The following ALCAM variants were observed in gnomAD, a reference collection of about 807,000 sequenced individuals.
ALCAM encodes the protein CD166 antigen.
ALCAM carries 30 observed loss-of-function variants against 70.9 expected under a neutral mutation model. That is an observed-to-expected ratio of 0.42 (90% confidence interval 0.32 to 0.57). ALCAM has a LOEUF of 0.57. Among genes scored for constraint, ALCAM ranks in the 20% least tolerant of loss-of-function variants. ALCAM has a pLI of 0.11. For synonymous variants in ALCAM, 249 were observed against 242.5 expected, an observed-to-expected ratio of 1.03 and a Z score of -0.25; for missense variants, 591 against 695.1, an observed-to-expected ratio of 0.85 and a Z score of 1.68.
At chr3:105,492,144 A>G (rs1259581668) in intron 1 of ALCAM, among the ~76,000 whole-genome samples, 1 of 152,166 alleles carries the variant, frequency 6.6e-6, no homozygotes, top group Non-Finnish European at 1.5e-5. Context: ...CAGCGAGAAG[A>G]ATAAGAGCTG....
chr3:105,435,970 T>C (rs562903991), intron 1 of ALCAM, among the ~76,000 whole-genome samples: 16 of 152,224 alleles, frequency 1.1e-4, no homozygotes, highest in African/African-American at 3.6e-4. Flanking sequence ...AGTCTCACAA[T>C]CATGGTGGAA....
At chr3:105,422,894 G>A (rs183476467) in intron 1 of ALCAM, among the ~76,000 whole-genome samples, 5 of 151,456 alleles carry the variant, frequency 3.3e-5, no homozygotes, top group Admixed American at 6.6e-5. Context: ...ATGCTTTTCA[G>A]AAATGATTAC....
chr3:105,530,945 A>G (rs967457458), intron 3 of ALCAM, among the ~76,000 whole-genome samples: 6 of 152,084 alleles, frequency 3.9e-5, no homozygotes, highest in Non-Finnish European at 7.4e-5. Context: ...TAATTATACA[A>G]AAGCCAATTT....
At position 105,525,133 on chromosome 3, in the gene ALCAM, T is replaced by C. The variant is rs1040460946; in HGVS notation, c.394+625T>C. On this transcript the variant is annotated intron_variant, in intron 3 of 15. Transcript: ENST00000306107. ...GATTTAGATTTCAAAAAGTATTCAC[T>C]TGCTTTAGAAAATTGTCCTAAAATT... 7 of 982,524 alleles carry C rather than the reference T, an allele frequency of 7.1e-6. No homozygotes were observed. In the African/African-American group the frequency reaches 1.2e-4, roughly 17 times the overall value. The allele number at this position is 982,524 out of a possible 1,614,324, so 60.9% of individuals were successfully genotyped here. A position where few individuals can be genotyped will look rare whatever the true frequency, so the allele number is the denominator to read the frequency against.
intron 1 of ALCAM, among the ~76,000 whole-genome samples, chr3:105,492,717 G>A (rs983912099): frequency 2.0e-5 from 3 of 152,034 alleles, no homozygotes; most frequent in African/African-American, 7.2e-5. Flanking sequence ...TCATAAATTA[G>A]AAATGAAAAA....
chr3:105,405,171 G>T (rs1187329922), intron 1 of ALCAM, among the ~76,000 whole-genome samples: 2 of 149,948 alleles, frequency 1.3e-5, no homozygotes, highest in Non-Finnish European at 3.0e-5. Flanking sequence ...CAGCTACTTG[G>T]CAGGCTAAGG....
At chr3:105,533,233 C>T (rs370395005) in intron 4 of ALCAM, among the ~76,000 whole-genome samples, 3 of 151,970 alleles carry the variant, frequency 2.0e-5, no homozygotes, top group South Asian at 4.1e-4. Context: ...ATTATTCTTC[C>T]GTATGAAGAT....
At chr3:105,384,907 G>A (rs1935611836) in intron 1 of ALCAM, among the ~76,000 whole-genome samples, 1 of 151,436 alleles carries the variant, frequency 6.6e-6, no homozygotes, top group African/African-American at 2.4e-5. Context: ...ATAAAGCCAA[G>A]TAAACAAGAC....
At chr3:105,443,705 C>T (rs978768287) in intron 1 of ALCAM, among the ~76,000 whole-genome samples, 5 of 152,148 alleles carry the variant, frequency 3.3e-5, no homozygotes, top group African/African-American at 4.8e-5. Flanking sequence ...TAAAAAGGCA[C>T]AGGCAGGTTT....
At chr3:105,403,879 G>A (rs1271925765) in intron 1 of ALCAM, among the ~76,000 whole-genome samples, 2 of 151,218 alleles carry the variant, frequency 1.3e-5, no homozygotes, top group Non-Finnish European at 2.9e-5. Context: ...GAAATAGATA[G>A]CATAAATAAA....
chr3:105,381,034 G>A (rs986276412), intron 1 of ALCAM, among the ~76,000 whole-genome samples: 2 of 152,034 alleles, frequency 1.3e-5, no homozygotes, highest in Admixed American at 1.3e-4. Flanking sequence ...CAGTTTCCCA[G>A]TTGGGTGGCA....
chr3:105,387,033 C>A (rs1935676847), intron 1 of ALCAM, among the ~76,000 whole-genome samples: 1 of 151,406 alleles, frequency 6.6e-6, no homozygotes, highest in Admixed American at 6.6e-5. Context: ...TTTCAGTTTG[C>A]CTCTTCTTTT....
At chr3:105,420,630 G>T (rs769659789) in intron 1 of ALCAM, among the ~76,000 whole-genome samples, 14 of 151,578 alleles carry the variant, frequency 9.2e-5, no homozygotes, top group Admixed American at 2.6e-4. Flanking sequence ...GCCACTCCTG[G>T]TCCAGTCAGT....
intron 1 of ALCAM, 142 bp downstream of exon 1, chr3:105,367,623 G>A: frequency 1.1e-6 from 1 of 947,558 alleles, no homozygotes; most frequent in Non-Finnish European, 1.6e-6. Context: ...GCACAGAGCT[G>A]TCCCCGGGCT....
At chr3:105,494,398 T>G (rs1938678752) in intron 1 of ALCAM, among the ~76,000 whole-genome samples, 2 of 152,148 alleles carry the variant, frequency 1.3e-5, no homozygotes, top group Admixed American at 1.3e-4. Context: ...ATGAATCTTT[T>G]GTTTTATAAA....
intron 6 of ALCAM, among the ~76,000 whole-genome samples, chr3:105,536,093 CTT>C (rs71299365): frequency 9.2e-5 from 13 of 141,790 alleles, no homozygotes; most frequent in Non-Finnish European, 9.3e-5. Context: ...TTCTTTCTTT[CTT>C]TTTTTTTTTT....
At chr3:105,514,717 T>C (rs1939333101) in intron 1 of ALCAM, among the ~76,000 whole-genome samples, 1 of 151,940 alleles carries the variant, frequency 6.6e-6, no homozygotes, top group Non-Finnish European at 1.5e-5. Flanking sequence ...CTCTGAAGAT[T>C]ATTCCACAGT....
At chr3:105,430,967 T>C (rs1325824727) in intron 1 of ALCAM, among the ~76,000 whole-genome samples, 2 of 152,148 alleles carry the variant, frequency 1.3e-5, no homozygotes, top group African/African-American at 4.8e-5. Context: ...GAACTACTTA[T>C]GGTTGGAAGT....
chr3:105,417,307 C>T (rs1030667144), intron 1 of ALCAM, among the ~76,000 whole-genome samples: 1 of 151,844 alleles, frequency 6.6e-6, no homozygotes, highest in African/African-American at 2.4e-5. Flanking sequence ...TACTTTTACA[C>T]TACATTCTCT....
Sources: gnomAD v4.1 joint callset for allele counts (sites outside exome capture counted in the v4.1 genomes callset) on GRCh38, gnomAD v4.1.1 for gene constraint, MANE v1.5 for transcripts, NCBI Gene and HGNC (gene_info 2026-07-23, HGNC 2026-07-21) for gene names.